WWTR1: variants seen among roughly 807,000 people sequenced by gnomAD.
The protein encoded by WWTR1 is WW domain containing transcription regulator 1, also known as WW domain-containing transcription regulator protein 1.
WWTR1 carries 13 observed loss-of-function variants against 40.1 expected under a neutral mutation model. The ratio of observed to expected loss-of-function variants is 0.32; its 90% confidence interval spans 0.21 to 0.52. WWTR1 has a LOEUF of 0.52. WWTR1 is among the 20% of genes least tolerant of loss of function. WWTR1 has a pLI of 0.97. For synonymous variants in WWTR1, 230 were observed against 210.1 expected (o/e 1.09, Z -0.82); for missense variants, 436 against 523.1 (o/e 0.83, Z 1.63).
At chr3:149,548,145 C>G (rs1458091675) in intron 3 of WWTR1, among the ~76,000 whole-genome samples, 1 of 152,122 alleles carries the variant, frequency 6.6e-6, no homozygotes, top group African/African-American at 2.4e-5. Context: ...CTACAAAGCT[C>G]TAAGTGTATG....
chr3:149,622,729 A>G (rs1037372000), intron 2 of WWTR1, among the ~76,000 whole-genome samples: 2 of 152,006 alleles, frequency 1.3e-5, no homozygotes, highest in Admixed American at 1.3e-4. Flanking sequence ...TCTCCACCAA[A>G]AATACAGAAA....
chr3:149,624,996 G>T (rs191873823), intron 2 of WWTR1, among the ~76,000 whole-genome samples: 1 of 151,398 alleles, frequency 6.6e-6, no homozygotes, highest in African/African-American at 2.4e-5. Flanking sequence ...CTCCCAAAGC[G>T]CTGGGATTAT....
At chr3:149,559,602 A>G (rs1393536057) in intron 3 of WWTR1, among the ~76,000 whole-genome samples, 2 of 152,246 alleles carry the variant, frequency 1.3e-5, no homozygotes, top group Admixed American at 6.5e-5. Context: ...ATTTAAAAAA[A>G]TAAAACCTCT....
intron 1 of WWTR1, among the ~76,000 whole-genome samples, chr3:149,677,115 C>T (rs1055769126): frequency 2.0e-5 from 3 of 151,962 alleles, no homozygotes; most frequent in African/African-American, 7.2e-5. Context: ...GGGGTGTCAC[C>T]ATGTTGGTCA....
chr3:149,622,921 A>G (rs1170185691), intron 2 of WWTR1, among the ~76,000 whole-genome samples: 2 of 152,164 alleles, frequency 1.3e-5, no homozygotes, highest in Non-Finnish European at 2.9e-5. Flanking sequence ...TCGATTCAGT[A>G]ACCCACTAAA....
At chr3:149,533,369 C>T (rs972500365) in intron 4 of WWTR1, among the ~76,000 whole-genome samples, 2 of 152,176 alleles carry the variant, frequency 1.3e-5, no homozygotes, top group African/African-American at 4.8e-5. Flanking sequence ...GCATCACATC[C>T]TATGAAGAAG....
intron 3 of WWTR1, among the ~76,000 whole-genome samples, chr3:149,565,348 A>T (rs778580116): frequency 3.0e-4 from 45 of 151,408 alleles, no homozygotes; most frequent in Non-Finnish European, 5.3e-4. Flanking sequence ...GACATTTTTC[A>T]TGGCTTTTAT....
chr3:149,672,530 C>T (rs1401179785), intron 1 of WWTR1, among the ~76,000 whole-genome samples: 2 of 152,058 alleles, frequency 1.3e-5, no homozygotes, highest in Non-Finnish European at 2.9e-5. Context: ...ATTATTATTA[C>T]AATTATTATT....
At chr3:149,684,952 G>A (rs908426289) in intron 1 of WWTR1, among the ~76,000 whole-genome samples, 8 of 151,980 alleles carry the variant, frequency 5.3e-5, no homozygotes, top group African/African-American at 1.9e-4. Flanking sequence ...ATTTTCCACT[G>A]ATGGTCCCTT....
intron 2 of WWTR1, among the ~76,000 whole-genome samples, chr3:149,649,271 C>A (rs1401225387): frequency 6.6e-6 from 1 of 152,150 alleles, no homozygotes; most frequent in Admixed American, 6.5e-5. Flanking sequence ...GGATTACAGG[C>A]GTGAGCCACC....
At chr3:149,570,268 T>C (rs1194570280) in intron 3 of WWTR1, among the ~76,000 whole-genome samples, 1 of 152,138 alleles carries the variant, frequency 6.6e-6, no homozygotes, top group Non-Finnish European at 1.5e-5. Context: ...ATTCACTGCC[T>C]TATTAGAAAT....
intron 3 of WWTR1, among the ~76,000 whole-genome samples, chr3:149,568,549 A>AAC (rs1737457936): frequency 2.6e-5 from 2 of 76,906 alleles, no homozygotes; most frequent in Non-Finnish European, 4.9e-5. Flanking sequence ...AAAAAAAAAA[A>AAC]AAAAAAAAAA....
intron 3 of WWTR1, among the ~76,000 whole-genome samples, chr3:149,557,773 C>T (rs1038273088): frequency 1.3e-5 from 2 of 151,914 alleles, no homozygotes; most frequent in African/African-American, 4.8e-5. Flanking sequence ...GAGGCTGAGG[C>T]GGGAGGATCA....
chr3:149,720,478 T>C (rs917189579), intron 4 of WWTR1, among the ~76,000 whole-genome samples: 3 of 152,340 alleles, frequency 2.0e-5, no homozygotes, highest in East Asian at 3.9e-4. Context: ...TTGGTCTTTA[T>C]GTGTGGTCTT....
At chr3:149,554,719 T>A (rs909045310) in intron 3 of WWTR1, among the ~76,000 whole-genome samples, 2 of 23,472 alleles carry the variant, frequency 8.5e-5, no homozygotes, top group Non-Finnish European at 1.4e-4. Context: ...AAGAAAGAAC[T>A]CTTTCTTCCA....
At chr3:149,700,602 AT>A (rs1280049255) in intron 1 of WWTR1, among the ~76,000 whole-genome samples, 1 of 152,086 alleles carries the variant, frequency 6.6e-6, no homozygotes, top group Non-Finnish European at 1.5e-5. Flanking sequence ...AAAAAATTAA[AT>A]TAAATTAAAT....
chr3:149,579,372 A>G (rs1738039026), intron 2 of WWTR1, among the ~76,000 whole-genome samples: 1 of 152,164 alleles, frequency 6.6e-6, no homozygotes, highest in South Asian at 2.1e-4. Flanking sequence ...TGGGGTCATA[A>G]AACCAAGGCA....
At chr3:149,573,159 A>G (rs779078352) in intron 2 of WWTR1, among the ~76,000 whole-genome samples, 159 bp from the exon 3 acceptor site, 5 of 151,998 alleles carry the variant, frequency 3.3e-5, no homozygotes, top group Non-Finnish European at 5.9e-5. Flanking sequence ...ATACTTGCCT[A>G]TTTTTCCCTG....
At chr3:149,716,322 C>G (rs1331979150) in intron 5 of WWTR1, among the ~76,000 whole-genome samples, 1 of 151,576 alleles carries the variant, frequency 6.6e-6, no homozygotes, top group Non-Finnish European at 1.5e-5. Flanking sequence ...GCAGAGGGTG[C>G]AGTGAGCCGA....
Sources: gnomAD v4.1 joint callset for allele counts (sites outside exome capture counted in the v4.1 genomes callset) on GRCh38, gnomAD v4.1.1 for gene constraint, MANE v1.5 for transcripts, NCBI Gene and HGNC (gene_info 2026-07-23, HGNC 2026-07-21) for gene names.